The following COG4 variants were observed in gnomAD, a reference collection of about 807,000 sequenced individuals.
COG4 encodes conserved oligomeric Golgi complex subunit 4.
A neutral mutation model predicts 95.1 loss-of-function variants in COG4; 65 were observed. The ratio of observed to expected loss-of-function variants is 0.68; its 90% confidence interval spans 0.56 to 0.84. COG4 has a LOEUF of 0.84. Among genes scored for constraint, COG4 ranks in the 40% least tolerant of loss-of-function variants. The pLI is 0.00. For missense variants in COG4, 1,045 were observed against 989.1 expected (o/e 1.06, Z -0.76); for synonymous variants, 421 against 374.8 (o/e 1.12, Z -1.42).
At chr16:70,488,682 G>T (rs993971768) in intron 13 of COG4, among the ~76,000 whole-genome samples, 1 of 152,112 alleles carries the variant, frequency 6.6e-6, no homozygotes, top group South Asian at 2.1e-4. Flanking sequence ...CGAGTAGCTG[G>T]GATTATGGGC....
chr16:70,482,613 G>A (rs578067494), intron 15 of COG4, 116 bp downstream of exon 15: 119 of 812,076 alleles, frequency 1.5e-4, no homozygotes, highest in Admixed American at 3.1e-4. Context: ...CAGGGTGGGG[G>A]AAGTGGGCCT....
At chr16:70,515,830 T>C (rs538296440) in intron 3 of COG4, 1 of 327,580 alleles carries the variant, frequency 3.1e-6, no homozygotes, top group South Asian at 2.5e-5. Flanking sequence ...TAGCTGAGGG[T>C]TGTTTTTTTA....
chr16:70,485,594 T>G (rs1005597592), intron 13 of COG4, among the ~76,000 whole-genome samples: 3 of 150,566 alleles, frequency 2.0e-5, no homozygotes, highest in South Asian at 2.1e-4. Flanking sequence ...TTTGTTTTTT[T>G]TTTTTTTTTG....
At chr16:70,491,836 A>G (rs1213457116) in intron 12 of COG4, among the ~76,000 whole-genome samples, 2 of 151,428 alleles carry the variant, frequency 1.3e-5, no homozygotes, top group African/African-American at 4.8e-5. Flanking sequence ...AAAAAAAAAA[A>G]AAAAAAAAAA....
At chr16:70,481,172 A>G (rs369992655) in intron 18 of COG4, 28 bp from the exon 19 acceptor site, 1 of 1,613,076 alleles carries the variant, frequency 6.2e-7, no homozygotes, top group Non-Finnish European at 8.5e-7. Context: ...GAGACCAGTC[A>G]GCAAGGTGGG....
In COG4 at chr16:70,510,483, C is replaced by T. The variant is rs544795998; in HGVS notation, c.739-462G>A. 8.3e-4 allele frequency among the ~76,000 whole-genome samples: 126 copies of T among 152,182 alleles called. No individual in the cohort carries two copies. In the Middle Eastern group the frequency reaches 0.031, roughly 37 times the overall value. On this transcript the variant is annotated intron_variant, in intron 5 of 18. Transcript: ENST00000323786. Reference sequence around the variant, plus strand: ...AACTATAGGCGAGAGCCACCATGCCCGGCTAATTTTTTAAAAATTTCTGTA... The same window carrying T: ...AACTATAGGCGAGAGCCACCATGCCTGGCTAATTTTTTAAAAATTTCTGTA...
chr16:70,512,391 C>T lies in COG4; in HGVS notation c.586G>A (p.Glu196Lys). The T allele has an allele frequency of 4.3e-6, 7 of 1,614,160 alleles. No homozygotes were observed. Among genetic ancestry groups the T allele is most frequent in the Non-Finnish European group, 5.9e-6 (7 of 1,180,026 alleles). The part of the protein sequence containing the change: ...DANLKLLQEA[E>K]QRLKAIVAEK... ...GCCACAATGGCTTTGAGACGTTGCTCAGCTTCCTGCAGCAATTTCAGGTTG... is the reference window on the plus strand; with the variant it reads ...GCCACAATGGCTTTGAGACGTTGCTTAGCTTCCTGCAGCAATTTCAGGTTG... The change falls in exon 5 of 19, where the codon GAG becomes AAG. Residue 196 changes from glutamate (E) to lysine (K), a missense_variant. Transcript: ENST00000323786.
intron 12 of COG4, 85 bp from the exon 13 acceptor site, chr16:70,490,477 T>C: frequency 9.0e-7 from 1 of 1,109,952 alleles, no homozygotes; most frequent in Middle Eastern, 2.0e-4. Flanking sequence ...ACAGCTGTGC[T>C]CCATGAAGCT....
chr16:70,503,154 C>T (rs1456969871), intron 8 of COG4, among the ~76,000 whole-genome samples: 1 of 152,158 alleles, frequency 6.6e-6, no homozygotes, highest in Non-Finnish European at 1.5e-5. Context: ...TGGGATCAGG[C>T]AATCCTCCCA....
At chr16:70,484,051 C>T (rs1483490769) in intron 13 of COG4, 82 bp from the exon 14 acceptor site, 15 of 1,011,912 alleles carry the variant, frequency 1.5e-5, no homozygotes, top group Non-Finnish European at 2.2e-5. Flanking sequence ...TTCTACTCCT[C>T]CAGCCAGCTA....
Position 70,495,038 on chromosome 16 carries a change from T to G in COG4, c.1647+1228A>C, listed in dbSNP as rs370269512. 9.2e-5 allele frequency among the ~76,000 whole-genome samples: 14 copies of G among 152,218 alleles called. No individual in the cohort carries two copies. In the South Asian group the frequency reaches 2.9e-3, roughly 32 times the overall value. On this transcript the variant is annotated intron_variant, in intron 12 of 18. Coordinates refer to ENST00000323786, the MANE Select transcript of COG4 (RefSeq NM_015386.3). ...CAGGGCTTGGTAGATATTAGCAAGTTTAGGCTTCTCTCTCTGCAAGTAACA... is the reference window on the plus strand; with the variant it reads ...CAGGGCTTGGTAGATATTAGCAAGTGTAGGCTTCTCTCTCTGCAAGTAACA...
chr16:70,511,675 G>A (rs1283323283), intron 5 of COG4, among the ~76,000 whole-genome samples: 2 of 151,966 alleles, frequency 1.3e-5, no homozygotes, highest in African/African-American at 4.8e-5. Context: ...GCTCACACCT[G>A]TAATCCCATC....
rs1445506690 is a variant in COG4 at position 70,512,284 on chromosome 16, C to A, written c.693G>T (p.Leu231Phe). Residue 231 changes from leucine to phenylalanine, a missense_variant, in exon 5 of 19, where the codon TTG (leucine) becomes TTT (phenylalanine). Transcript: ENST00000323786. ...AGAACTTTCTTAATCCCTCCTCATG[C>A]AAACCCAGCAGTGGGAAGATCTTGA... ...RFFKIFPLLGLHEEGLRKFSE... is the reference protein window; with the variant it reads ...RFFKIFPLLGFHEEGLRKFSE... 1 of 1,614,184 alleles carries A rather than the reference C, an allele frequency of 6.2e-7. No homozygotes were observed. The highest frequency in any genetic ancestry group is 1.1e-5 in the South Asian group (1 of 91,082).
intron 8 of COG4, among the ~76,000 whole-genome samples, chr16:70,503,275 C>T (rs1247639603): frequency 6.6e-6 from 1 of 152,212 alleles, no homozygotes; most frequent in African/African-American, 2.4e-5. Flanking sequence ...TGGTCTCAAA[C>T]TCCTGGGCTC....
chr16:70,501,167 C>T (rs1362347319), intron 8 of COG4, 76 bp from the exon 9 acceptor site: 2 of 1,519,274 alleles, frequency 1.3e-6, no homozygotes, highest in Non-Finnish European at 1.8e-6. Context: ...CAAAGAGAGT[C>T]CCAAATTCCC....
rs2151765347 is a variant in COG4 at position 70,519,370 on chromosome 16, G to A, written c.254+279C>T. Among the ~76,000 whole-genome samples the A allele has an allele frequency of 5.7e-5, 2 of 34,808 alleles. 1 individual carries two copies. The highest frequency in any genetic ancestry group is 2.2e-3 in the East Asian group (2 of 914). The allele number at this position is 34,808 out of a possible 152,430, so 22.8% of individuals were successfully genotyped here. A position where few individuals can be genotyped will look rare whatever the true frequency, so the allele number is the denominator to read the frequency against. On this transcript the variant is annotated intron_variant, in intron 2 of 18. Transcript: ENST00000323786. The stretch of plus-strand genomic sequence containing the variant: ...TCTCGATCTCCTGACCTCATGATCC[G>A]CCCGCCTCGGCCTCCCAAAGTGCTG...
chr16:70,500,062 T>G (rs980250459), intron 9 of COG4, among the ~76,000 whole-genome samples: 10 of 151,966 alleles, frequency 6.6e-5, no homozygotes, highest in Non-Finnish European at 1.5e-4. Flanking sequence ...CTCAAACTCC[T>G]GGGCTCAAGC....
intron 7 of COG4, chr16:70,508,923 A>G (rs778172581): frequency 1.9e-5 from 10 of 539,322 alleles, no homozygotes; most frequent in Admixed American, 5.0e-5. Context: ...TAGAATTGTC[A>G]TTATATCATT....
Position 70,483,956 on chromosome 16 carries a change from T to G in COG4, c.1724A>C (p.Lys575Thr). 1.9e-6 allele frequency: 3 copies of G among 1,612,454 alleles called. No individual in the cohort carries two copies. Among genetic ancestry groups the G allele is most frequent in the South Asian group, 1.1e-5 (1 of 91,074 alleles). Reference sequence around the variant, plus strand: ...CCCTCCAATGCCCTGGCTGAAGAGCTTGGTGCAGTCACTCTAGGGGAGAAC... The same window carrying G: ...CCCTCCAATGCCCTGGCTGAAGAGCGTGGTGCAGTCACTCTAGGGGAGAAC... ...LKKTLESDCT[K>T]LFSQGIGGEQ... Residue 575 changes from lysine (K) to threonine (T), a missense_variant, in exon 14 of 19, where the codon AAG (lysine) becomes ACG (threonine). Physicochemically the swap from Lys to Thr is moderately conservative, Grantham distance 78. Coordinates refer to ENST00000323786, the MANE Select transcript of COG4 (RefSeq NM_015386.3).
Sources: gnomAD v4.1 joint callset for allele counts (sites outside exome capture counted in the v4.1 genomes callset) on GRCh38, gnomAD v4.1.1 for gene constraint, MANE v1.5 for transcripts, NCBI Gene and HGNC (gene_info 2026-07-23, HGNC 2026-07-21) for gene names.